Variants in PPP1R21 observed in about 807,000 individuals in gnomAD.
The protein encoded by PPP1R21 is KLRAQ motif containing 1.
A neutral mutation model predicts 112.8 loss-of-function variants in PPP1R21; 85 were observed. The ratio of observed to expected loss-of-function variants is 0.75; its 90% CI spans 0.63 to 0.90. The LOEUF (loss-of-function observed/expected upper bound fraction) is 0.90, where lower values mean the gene tolerates loss of function less well. Among genes scored for constraint, PPP1R21 ranks in the 40% least tolerant of loss-of-function variants. The pLI is 0.00. For missense variants in PPP1R21, 1,199 were observed against 901.5 expected, an observed-to-expected ratio of 1.33 and a Z score of -4.23; for synonymous variants, 381 against 322.3, an observed-to-expected ratio of 1.18 and a Z score of -1.95.
chr2:48,458,728 T>C (rs1572839543), intron 4 of PPP1R21, among the ~76,000 whole-genome samples: 1 of 152,142 alleles, frequency 6.6e-6, no homozygotes, highest in Non-Finnish European at 1.5e-5. Flanking sequence ...GTCTTACTTA[T>C]GTCAGGCACT....
chr2:48,446,833 G>A (rs186744900), intron 1 of PPP1R21, among the ~76,000 whole-genome samples: 90 of 152,160 alleles, frequency 5.9e-4, no homozygotes, highest in African/African-American at 2.0e-3. Context: ...TGCAACCTCC[G>A]TCCGTCTCCT....
At chr2:48,504,403 G>C (rs1332044446) in intron 17 of PPP1R21, among the ~76,000 whole-genome samples, 1 of 152,204 alleles carries the variant, frequency 6.6e-6, no homozygotes, top group East Asian at 1.9e-4. Flanking sequence ...AGCACTTTGG[G>C]AGGGTGAGGC....
At chr2:48,473,512 TG>T (rs1176108326) in intron 11 of PPP1R21, among the ~76,000 whole-genome samples, 2 of 152,240 alleles carry the variant, frequency 1.3e-5, no homozygotes, top group African/African-American at 4.8e-5. Flanking sequence ...ACTTTTGGAA[TG>T]TTCTGTCCCA....
chr2:48,514,747 T>C lies in PPP1R21; in HGVS notation c.*3T>C, dbSNP rs767407662. On this transcript the variant is annotated 3_prime_UTR_variant, in exon 22 of 22. Coordinates refer to ENST00000294952, the MANE Select transcript of PPP1R21 (RefSeq NM_001135629.3). The stretch of plus-strand genomic sequence containing the variant: ...CTAAAAAGAACAAGAGTCGATAGTT[T>C]TGAAATAGCTGGTTGGCGACTGTTC... 4.3e-6 allele frequency: 7 copies of C among 1,612,768 alleles called. No individual in the cohort carries two copies. The highest frequency in any genetic ancestry group is 5.1e-6 in the Non-Finnish European group (6 of 1,179,622).
At chr2:48,513,209 CT>C (rs370261888) in intron 21 of PPP1R21, among the ~76,000 whole-genome samples, 59 of 146,752 alleles carry the variant, frequency 4.0e-4, no homozygotes, top group Non-Finnish European at 4.4e-4. Context: ...TTTCCTCTGA[CT>C]TTTTTTTTTT....
chr2:48,468,945 A>T (rs993709220), intron 9 of PPP1R21, among the ~76,000 whole-genome samples: 6 of 152,012 alleles, frequency 3.9e-5, no homozygotes, highest in African/African-American at 1.4e-4. Context: ...GAGACTGGGA[A>T]GAAAAAGAGA....
At chr2:48,491,686 TTGAG>T (rs1485904091) in intron 15 of PPP1R21, among the ~76,000 whole-genome samples, 1 of 152,154 alleles carries the variant, frequency 6.6e-6, no homozygotes, top group East Asian at 1.9e-4. Context: ...TATTATATGT[TTGAG>T]TGCACATGCA....
chr2:48,469,568 A>ATC (rs1668415727), intron 9 of PPP1R21, among the ~76,000 whole-genome samples: 1 of 30,506 alleles, frequency 3.3e-5, no homozygotes, highest in Admixed American at 5.6e-4. Context: ...GAGAGAGAGC[A>ATC]TATATATATA....
At chr2:48,460,447 C>T (rs1246083205) in intron 6 of PPP1R21, among the ~76,000 whole-genome samples, 1 of 152,058 alleles carries the variant, frequency 6.6e-6, no homozygotes, top group Non-Finnish European at 1.5e-5. Context: ...ACAGAAGGGG[C>T]CTCTGATAGT....
intron 4 of PPP1R21, among the ~76,000 whole-genome samples, 196 bp downstream of exon 4, chr2:48,458,423 G>A (rs1001920960): frequency 6.6e-6 from 1 of 152,172 alleles, no homozygotes. Context: ...GTGCTTTGAA[G>A]TATATGCATT....
At chr2:48,480,124 G>A in intron 13 of PPP1R21, 108 bp downstream of exon 13, 2 of 777,764 alleles carry the variant, frequency 2.6e-6, no homozygotes, top group Admixed American at 3.8e-5. Context: ...CCCAGATAAA[G>A]GCTTATTAGC....
chr2:48,506,851 CAGG>C (rs1558525916), intron 18 of PPP1R21, among the ~76,000 whole-genome samples: 1 of 150,506 alleles, frequency 6.6e-6, no homozygotes, highest in Non-Finnish European at 1.5e-5. Flanking sequence ...GAGGCTGAGG[CAGG>C]AGAATGGCGT....
chr2:48,454,591 A>C lies in PPP1R21; in HGVS notation c.127-4A>C. On this transcript the variant is annotated splice_region_variant and splice_polypyrimidine_tract_variant and intron_variant, in intron 2 of 21. Coordinates refer to ENST00000294952, the MANE Select transcript of PPP1R21 (RefSeq NM_001135629.3). ...AGGACCAATCTGTTTTCACTTTGAT[A>C]TAGGAGCAACTGAAAATGAAGGATC... 6.2e-7 allele frequency: 1 copy of C among 1,614,106 alleles called. No homozygotes were observed. The highest frequency in any genetic ancestry group is 1.3e-5 in the African/African-American group (1 of 75,068).
chr2:48,503,635 A>C (rs1396285380), intron 17 of PPP1R21, among the ~76,000 whole-genome samples: 2 of 152,116 alleles, frequency 1.3e-5, no homozygotes, highest in African/African-American at 4.8e-5. Flanking sequence ...GAAAATGTTA[A>C]AGTAATCTGT....
intron 9 of PPP1R21, among the ~76,000 whole-genome samples, chr2:48,467,877 G>T (rs1170088319): frequency 6.6e-6 from 1 of 152,216 alleles, no homozygotes; most frequent in Non-Finnish European, 1.5e-5. Flanking sequence ...TGCTATACAT[G>T]TGTGCTGTAA....
chr2:48,480,066 C>A (rs368852275), intron 13 of PPP1R21, 50 bp downstream of exon 13: 1 of 1,195,132 alleles, frequency 8.4e-7, no homozygotes, highest in Middle Eastern at 1.9e-4. Flanking sequence ...CCACTTTCTT[C>A]GATCTGCCTG....
chr2:48,464,976 A>G lies in PPP1R21; in HGVS notation c.734A>G (p.Asn245Ser), dbSNP rs768157012. 55 of 1,558,666 alleles carry G rather than the reference A, an allele frequency of 3.5e-5. No individual in the cohort carries two copies. The highest frequency in any genetic ancestry group is 4.0e-5 in the Non-Finnish European group (46 of 1,162,758). The change falls in exon 8 of 22, where the codon AAT (asparagine) becomes AGT (serine). Residue 245 changes from asparagine (N) to serine (S), a missense_variant. Coordinates refer to ENST00000294952, the MANE Select transcript of PPP1R21 (RefSeq NM_001135629.3). ...QYNALNVPLHNRRHQLKMRDI... is the reference protein window; with the variant it reads ...QYNALNVPLHSRRHQLKMRDI... ...AACGCTCTGAACGTTCCACTCCACAATAGGAGACACCAGGTAAAGGATGAA... is the reference window on the plus strand; with the variant it reads ...AACGCTCTGAACGTTCCACTCCACAGTAGGAGACACCAGGTAAAGGATGAA...
At chr2:48,485,264 A>T (rs1669232298) in intron 13 of PPP1R21, among the ~76,000 whole-genome samples, 1 of 152,108 alleles carries the variant, frequency 6.6e-6, no homozygotes. Flanking sequence ...ATATGCCCGC[A>T]TAACAAACCT....
chr2:48,478,993 C>T (rs909822913), intron 12 of PPP1R21, among the ~76,000 whole-genome samples: 4 of 152,136 alleles, frequency 2.6e-5, no homozygotes, highest in East Asian at 1.9e-4. Context: ...TTAGAAACTG[C>T]GCCCTTAGTG....
Sources: allele counts gnomAD v4.1 joint callset (sites outside exome capture counted in the v4.1 genomes callset), GRCh38; gene constraint gnomAD v4.1.1; transcripts MANE v1.5; gene names NCBI Gene and HGNC (gene_info 2026-07-23, HGNC 2026-07-21).